TBCD: variants seen among roughly 807,000 people sequenced by gnomAD.
The protein encoded by TBCD is tubulin-specific chaperone D.
A neutral mutation model predicts 169.3 loss-of-function variants in TBCD; 105 were observed. The observed-to-expected ratio is 0.62, with a 90% CI of 0.53 to 0.73. The LOEUF is 0.73. TBCD is among the 30% of genes least tolerant of loss of function. TBCD has a pLI of 0.00. For synonymous variants in TBCD, 700 were observed against 643.9 expected (o/e 1.09, Z -1.32); for missense variants, 1,444 against 1,600.1 (o/e 0.90, Z 1.66).
At chr17:82,891,484 C>T (rs1388110468) in intron 16 of TBCD, among the ~76,000 whole-genome samples, 2 of 152,226 alleles carry the variant, frequency 1.3e-5, no homozygotes, top group East Asian at 1.9e-4. Context: ...AAATGCAAGA[C>T]GCGCAGGTGC....
At chr17:82,859,907 C>A in intron 13 of TBCD, 1 of 984,532 alleles carries the variant, frequency 1.0e-6, no homozygotes, top group Non-Finnish European at 1.2e-6. Context: ...TGTCATTGTG[C>A]ACTGGTGACA....
At chr17:82,851,727 A>T (rs1002269817) in intron 13 of TBCD, among the ~76,000 whole-genome samples, 1 of 152,244 alleles carries the variant, frequency 6.6e-6, no homozygotes, top group African/African-American at 2.4e-5. Context: ...GATGGGACCA[A>T]TAAACGCGTG....
At chr17:82,843,865 G>C (rs144921465) in intron 13 of TBCD, among the ~76,000 whole-genome samples, 33 of 152,308 alleles carry the variant, frequency 2.2e-4, no homozygotes, top group African/African-American at 7.7e-4. Context: ...TCCCCACCCA[G>C]ACCGTGGCAA....
In TBCD at chr17:82,806,931, G is replaced by T. The variant is rs930035377; in HGVS notation, c.1088-677G>T. The stretch of plus-strand genomic sequence containing the variant: ...CTGGGTCTGCCCCTTCCCCGTGTCC[G>T]CAGCCTGCCCCAGGTTCATTCCCGT... On this transcript the variant is annotated intron_variant, in intron 10 of 38. Transcript: ENST00000355528. This position sits in a 1 kb window ranked among gnomAD's most constrained non-coding sequence, Gnocchi z 5.1. Among the ~76,000 whole-genome samples the T allele has an allele frequency of 2.6e-5, 4 of 152,148 alleles. No individual in the cohort carries two copies. The highest frequency in any genetic ancestry group is 2.6e-4 in the Admixed American group (4 of 15,278).
intron 13 of TBCD, among the ~76,000 whole-genome samples, chr17:82,839,291 ATGTACT>A (rs2054256350): frequency 6.6e-6 from 1 of 152,176 alleles, no homozygotes; most frequent in Non-Finnish European, 1.5e-5. Flanking sequence ...ATTCAGCCTG[ATGTACT>A]TATACCACAC....
intron 13 of TBCD, chr17:82,859,617 A>AGT (rs2056599477): frequency 1.0e-6 from 1 of 985,330 alleles, no homozygotes; most frequent in Admixed American, 6.1e-5. Flanking sequence ...TGAGCCCTGT[A>AGT]GTGAGGACAA....
intron 18 of TBCD, among the ~76,000 whole-genome samples, chr17:82,902,825 G>A (rs1311174241): frequency 3.3e-5 from 5 of 152,216 alleles, no homozygotes; most frequent in East Asian, 1.9e-4. Context: ...AGGGGCTGGG[G>A]CATGAGCTCT....
At chr17:82,787,253 T>G (rs1254512265) in intron 7 of TBCD, among the ~76,000 whole-genome samples, 1 of 152,212 alleles carries the variant, frequency 6.6e-6, no homozygotes, top group Non-Finnish European at 1.5e-5. Flanking sequence ...CTCAGAACTA[T>G]TCAGAGATTT....
At chr17:82,825,312 TGTCTGCAGGGTGTGAGGCTTTGG>T (rs1423207820) in intron 13 of TBCD, among the ~76,000 whole-genome samples, 2 of 152,138 alleles carry the variant, frequency 1.3e-5, no homozygotes, top group East Asian at 3.8e-4. Flanking sequence ...GAGAGCTCCT[TGTCTGCAGGGTGTGAGGCTTTGG>T]GTCCTGAGTG....
At chr17:82,870,685 A>G (rs1477420528) in intron 14 of TBCD, among the ~76,000 whole-genome samples, 1 of 152,180 alleles carries the variant, frequency 6.6e-6, no homozygotes, top group Non-Finnish European at 1.5e-5. Flanking sequence ...GGTCTTGGTC[A>G]CCCTGCAGGC....
Position 82,903,363 on chromosome 17 carries a change from C to A in TBCD, c.1731-42C>A. The A allele has an allele frequency of 2.6e-6, 4 of 1,540,064 alleles. No homozygotes were observed. Among genetic ancestry groups the A allele is most frequent in the Non-Finnish European group, 3.5e-6 (4 of 1,130,300 alleles). Reference sequence around the variant, plus strand: ...TTTATGAATTGAATAAAGCTAGAATCATAAAATGAAGGCACTTACGACATT... The same window carrying A: ...TTTATGAATTGAATAAAGCTAGAATAATAAAATGAAGGCACTTACGACATT... On this transcript the variant is annotated intron_variant, in intron 18 of 38. Transcript: ENST00000355528. The surrounding 1 kb of genome is among the most constrained non-coding windows in gnomAD (Gnocchi z 4.8).
intron 7 of TBCD, among the ~76,000 whole-genome samples, chr17:82,791,444 C>T (rs771565466): frequency 2.0e-5 from 3 of 152,126 alleles, no homozygotes; most frequent in South Asian, 4.1e-4. Context: ...TTCACTTTTG[C>T]GAGCTTTTGC....
At chr17:82,852,573 C>T (rs565009785) in intron 13 of TBCD, among the ~76,000 whole-genome samples, 2 of 152,138 alleles carry the variant, frequency 1.3e-5, no homozygotes, top group South Asian at 4.1e-4. Flanking sequence ...CTTGTTTCCT[C>T]TTCTTAGGCG....
At chr17:82,787,107 C>G (rs1249433507) in intron 7 of TBCD, among the ~76,000 whole-genome samples, 4 of 152,136 alleles carry the variant, frequency 2.6e-5, no homozygotes, top group African/African-American at 4.8e-5. Context: ...TCCCCTTCCT[C>G]CCGAGGTGTA....
chr17:82,912,445 T>G (rs1023648062), intron 23 of TBCD, among the ~76,000 whole-genome samples: 2 of 152,228 alleles, frequency 1.3e-5, no homozygotes, highest in African/African-American at 4.8e-5. Context: ...AAGCCTGATT[T>G]CATAGACATT....
chr17:82,860,446 C>G (rs1417921221), intron 13 of TBCD: 2 of 985,270 alleles, frequency 2.0e-6, no homozygotes, highest in Non-Finnish European at 2.4e-6. Flanking sequence ...TGGAAGGAAC[C>G]ACGGTGGGTT....
intron 13 of TBCD, chr17:82,858,586 G>A: frequency 1.0e-6 from 1 of 985,458 alleles, no homozygotes; most frequent in Non-Finnish European, 1.2e-6. Flanking sequence ...GTTGATGACA[G>A]TGCTGTGTGG....
At position 82,830,890 on chromosome 17, in the gene TBCD, A is replaced by G. The variant is rs750245005; in HGVS notation, c.1318+15956A>G. The stretch of plus-strand genomic sequence containing the variant: ...CACAACATTGAGGCTAGAAGAAGCC[A>G]AGAAAAAGCTTAGTAGGAGCTTGCT... On this transcript the variant is annotated intron_variant, in intron 13 of 38. Transcript: ENST00000355528. The G allele has an allele frequency of 3.7e-6, 6 of 1,612,854 alleles. No homozygotes were observed. The South Asian group carries it at 4.4e-5, about 12-fold the overall frequency.
chr17:82,905,194 C>G (rs2060154910), intron 19 of TBCD, among the ~76,000 whole-genome samples: 1 of 152,238 alleles, frequency 6.6e-6, no homozygotes, highest in Non-Finnish European at 1.5e-5. Flanking sequence ...CCTCCACCGC[C>G]CAGGCAGCCA....
Sources: allele counts gnomAD v4.1 joint callset (sites outside exome capture counted in the v4.1 genomes callset), GRCh38; gene constraint gnomAD v4.1.1; non-coding constraint Gnocchi (gnomAD v3.1); transcripts MANE v1.5; gene names NCBI Gene and HGNC (gene_info 2026-07-23, HGNC 2026-07-21).